The following TAB2 variants were observed in gnomAD, a reference collection of about 807,000 sequenced individuals.
TAB2 encodes TGF-beta activated kinase 1 (MAP3K7) binding protein 2, also known as TGF-beta-activated kinase 1 and MAP3K7-binding protein 2.
TAB2 carries 3 observed loss-of-function variants against 65.0 expected under a neutral mutation model. The ratio of observed to expected loss-of-function variants is 0.05; its 90% confidence interval spans 0.02 to 0.12. The LOEUF (loss-of-function observed/expected upper bound fraction) is 0.12, where lower values mean the gene tolerates loss of function less well. Ranked by LOEUF, TAB2 falls within the 10% of genes least tolerant of loss-of-function variation. The pLI, the probability that TAB2 is intolerant of heterozygous loss-of-function variation, is 1.00. For synonymous variants in TAB2, 298 were observed against 285.1 expected, an observed-to-expected ratio of 1.05 and a Z score of -0.46; for missense variants, 623 against 840.3, an observed-to-expected ratio of 0.74 and a Z score of 3.20.
At chr6:149,375,905 C>G (rs1013356842) in intron 2 of TAB2, among the ~76,000 whole-genome samples, 2 of 152,134 alleles carry the variant, frequency 1.3e-5, no homozygotes, top group African/African-American at 4.8e-5. Flanking sequence ...ACCTTGCTCA[C>G]TATCCTTTTA....
intron 1 of TAB2, among the ~76,000 whole-genome samples, chr6:149,267,960 A>G (rs1778294310): frequency 6.6e-6 from 1 of 152,220 alleles, no homozygotes; most frequent in East Asian, 1.9e-4. Context: ...CTATAGGTAA[A>G]TGTCAAATTA....
intron 1 of TAB2, among the ~76,000 whole-genome samples, chr6:149,297,768 A>G (rs867348026): frequency 3.9e-5 from 6 of 152,124 alleles, no homozygotes; most frequent in African/African-American, 1.2e-4. Context: ...CCTGGCCTCA[A>G]GTGGTCCTCC....
chr6:149,291,059 A>G (rs1778767785), intron 1 of TAB2, among the ~76,000 whole-genome samples: 1 of 152,222 alleles, frequency 6.6e-6, no homozygotes, highest in Non-Finnish European at 1.5e-5. Context: ...TGGGATGTAA[A>G]TTGAAAAGTT....
intron 1 of TAB2, among the ~76,000 whole-genome samples, chr6:149,242,168 C>A (rs887184880): frequency 6.6e-6 from 1 of 152,186 alleles, no homozygotes. Flanking sequence ...AAGAACATGC[C>A]TAAACTAAGG....
At chr6:149,258,769 T>C (rs1778092868) in intron 1 of TAB2, among the ~76,000 whole-genome samples, 1 of 152,194 alleles carries the variant, frequency 6.6e-6, no homozygotes, top group South Asian at 2.1e-4. Flanking sequence ...CACCAGAACG[T>C]GTGAATACAT....
intron 1 of TAB2, among the ~76,000 whole-genome samples, chr6:149,325,745 A>G (rs1164440726): frequency 1.3e-5 from 2 of 152,052 alleles, no homozygotes; most frequent in Non-Finnish European, 2.9e-5. Context: ...CTTTTCTGTT[A>G]TGTTTATGTT....
chr6:149,407,100 A>G (rs560027645), intron 6 of TAB2, among the ~76,000 whole-genome samples: 65 of 152,308 alleles, frequency 4.3e-4, no homozygotes, highest in African/African-American at 1.5e-3. Flanking sequence ...AATACAATGA[A>G]AAGTTATTAC....
chr6:149,263,880 T>C (rs1778205373), intron 1 of TAB2, among the ~76,000 whole-genome samples: 1 of 152,190 alleles, frequency 6.6e-6, no homozygotes, highest in Non-Finnish European at 1.5e-5. Context: ...GGCAGGCAGT[T>C]CTGGGGCACC....
chr6:149,378,970 C>T lies in TAB2; in HGVS notation c.1055C>T (p.Ser352Phe), dbSNP rs1183909922. Reference sequence around the variant, plus strand: ...TCTGGACCTCGAACCTCCAGCACTTCCTCTTCAGTCAATAGCCAGACCTTA... The same window carrying T: ...TCTGGACCTCGAACCTCCAGCACTTTCTCTTCAGTCAATAGCCAGACCTTA... ...RSSGPRTSST[S>F]SSVNSQTLNR... The change falls in exon 3 of 7, where the codon TCC (serine) becomes TTC (phenylalanine). Residue 352 changes from serine (S) to phenylalanine (F), a missense_variant. By Grantham distance (155) the Ser-to-Phe change is radical. Transcript: ENST00000637181. 8 of 1,614,188 alleles carry T rather than the reference C, an allele frequency of 5.0e-6. No individual in the cohort carries two copies. In the South Asian group the frequency reaches 8.8e-5, roughly 18 times the overall value.
intron 1 of TAB2, chr6:149,218,798 G>T (rs1777077736): frequency 4.4e-6 from 2 of 455,836 alleles, no homozygotes; most frequent in Admixed American, 2.4e-5. Flanking sequence ...AACAGTCATT[G>T]TTTCTGGAGA....
rs149406908 is a variant in TAB2, at chr6:149,227,635, C to T, written c.-121+8859C>T. ...CTTGCCCACCCTTTCCATAAAACTGCGATTGCCCCCAGAACATCCCCAGTG... is the reference window on the plus strand; with the variant it reads ...CTTGCCCACCCTTTCCATAAAACTGTGATTGCCCCCAGAACATCCCCAGTG... On this transcript the variant is annotated intron_variant, in intron 1 of 1. Coordinates refer to the TAB2 transcript ENST00000606202. 5.7e-3 allele frequency among the ~76,000 whole-genome samples: 871 copies of T among 152,302 alleles called. 7 individuals carry two copies. The highest frequency in any genetic ancestry group is 0.019 in the African/African-American group (802 of 41,554).
At chr6:149,305,172 A>G (rs1428996815) in intron 1 of TAB2, among the ~76,000 whole-genome samples, 1 of 152,186 alleles carries the variant, frequency 6.6e-6, no homozygotes, top group Non-Finnish European at 1.5e-5. Flanking sequence ...GGTCTTTCCA[A>G]GTTTGGAAAC....
intron 1 of TAB2, among the ~76,000 whole-genome samples, chr6:149,348,761 C>T (rs1307433592): frequency 6.6e-6 from 1 of 151,888 alleles, no homozygotes; most frequent in East Asian, 1.9e-4. Flanking sequence ...GTCAGGAGTT[C>T]GAGACCAGCC....
At chr6:149,362,582 C>G (rs982902890) in intron 1 of TAB2, among the ~76,000 whole-genome samples, 3 of 151,824 alleles carry the variant, frequency 2.0e-5, no homozygotes, top group African/African-American at 7.3e-5. Context: ...AGATAATGCC[C>G]TAACTATATT....
rs117872513 is a variant in TAB2, at chr6:149,266,179, T to A, written c.-121+47403T>A. ...AAAGAAAGCAGGAATCAAATGCATG[T>A]GCAGAAAGGATGTGTGAACCGTACA... On this transcript the variant is annotated intron_variant, in intron 1 of 1. Transcript: ENST00000606202. Among the ~76,000 whole-genome samples the A allele has an allele frequency of 2.5e-3, 385 of 152,328 alleles. 2 individuals are homozygous for A. The highest frequency in any genetic ancestry group is 3.4e-3 in the Admixed American group (52 of 15,298).
chr6:149,270,836 G>T (rs1778348004), intron 1 of TAB2, among the ~76,000 whole-genome samples: 2 of 152,100 alleles, frequency 1.3e-5, no homozygotes, highest in Admixed American at 1.3e-4. Flanking sequence ...TCTAGAGGAA[G>T]TGTATCACAT....
intron 1 of TAB2, among the ~76,000 whole-genome samples, chr6:149,309,454 T>C (rs1286643222): frequency 6.6e-6 from 1 of 150,944 alleles, no homozygotes; most frequent in Non-Finnish European, 1.5e-5. Context: ...TGGAGTGCAG[T>C]GGCACAATCT....
upstream of TAB2, among the ~76,000 whole-genome samples, chr6:149,314,974 C>T (rs540412731): frequency 3.3e-5 from 5 of 150,978 alleles, no homozygotes; most frequent in Admixed American, 6.6e-5. Context: ...TGAATATTTA[C>T]TGAATCAATA....
chr6:149,333,320 C>G (rs1346768941), intron 1 of TAB2, among the ~76,000 whole-genome samples: 1 of 152,182 alleles, frequency 6.6e-6, no homozygotes. Context: ...CATTTTGCCT[C>G]TTTTTTCTCT....
Sources: gnomAD v4.1 joint callset for allele counts (sites outside exome capture counted in the v4.1 genomes callset) on GRCh38, gnomAD v4.1.1 for gene constraint, MANE v1.5 for transcripts, NCBI Gene and HGNC (gene_info 2026-07-23, HGNC 2026-07-21) for gene names.